Variants in CTNND2 observed in about 807,000 individuals in gnomAD.
CTNND2 encodes catenin delta 2, also known as catenin delta-2.
Under a neutral mutation model 144.4 loss-of-function variants are expected in CTNND2, and 22 were observed. The ratio of observed to expected loss-of-function variants is 0.15; its 90% confidence interval spans 0.11 to 0.22. CTNND2 has a LOEUF of 0.22. Among genes scored for constraint, CTNND2 ranks in the 10% least tolerant of loss-of-function variants. CTNND2 has a pLI of 1.00. For synonymous variants in CTNND2, 751 were observed against 695.6 expected (o/e 1.08, Z -1.25); for missense variants, 1,353 against 1,618.8 (o/e 0.84, Z 2.82).
chr5:11,628,270 G>A (rs1325901230), intron 2 of CTNND2, among the ~76,000 whole-genome samples: 2 of 152,234 alleles, frequency 1.3e-5, no homozygotes, highest in East Asian at 3.9e-4. Flanking sequence ...TCAAGACACT[G>A]AGGCTTAAAA....
chr5:11,346,585 G>T lies in CTNND2; in HGVS notation c.1415C>A (p.Thr472Lys). Residue 472 changes from threonine to lysine, a missense_variant, in exon 9 of 22, where the codon ACA (threonine) becomes AAA (lysine). By Grantham distance (78) the Thr-to-Lys change is moderately conservative. This residue lies in a region of CTNND2 where 708 missense variants were observed against 706.4 expected (regional missense o/e 1.00). Coordinates refer to ENST00000304623, the MANE Select transcript of CTNND2 (RefSeq NM_001332.4). ...ATTCTGTGGGCCGTGCTGGCTGCCTGTGCGCTGCAAGGGGACGGAGTCGAC... is the reference window on the plus strand; with the variant it reads ...ATTCTGTGGGCCGTGCTGGCTGCCTTTGCGCTGCAAGGGGACGGAGTCGAC... The part of the protein sequence containing the change: ...PGVDSVPLQR[T>K]GSQHGPQNAA... 1 of 1,589,200 alleles carries T rather than the reference G, an allele frequency of 6.3e-7. No homozygotes were observed. The highest frequency in any genetic ancestry group is 1.7e-4 in the Middle Eastern group (1 of 5,982).
intron 9 of CTNND2, among the ~76,000 whole-genome samples, chr5:11,336,748 T>C (rs556104653): frequency 6.6e-6 from 1 of 152,364 alleles, no homozygotes; most frequent in Non-Finnish European, 1.5e-5. Flanking sequence ...AGACAAATTA[T>C]GTGTGTATAT....
chr5:10,988,391 T>G lies in CTNND2; in HGVS notation c.3212-149A>C. 1.1e-6 allele frequency: 1 copy of G among 906,116 alleles called. No individual in the cohort carries two copies. The highest frequency in any genetic ancestry group is 1.6e-6 in the Non-Finnish European group (1 of 617,716). 56.1% of individuals were successfully genotyped at this position (906,116 alleles called of 1,614,324 possible). A position where few individuals can be genotyped will look rare whatever the true frequency, so the allele number is the denominator to read the frequency against. Reference sequence around the variant, plus strand: ...GGTTTTCTTTTTAATTTTTATTTTTTGGCAGTTTTGGCTCTTGTCCCTGCC... The same window carrying G: ...GGTTTTCTTTTTAATTTTTATTTTTGGGCAGTTTTGGCTCTTGTCCCTGCC... On this transcript the variant is annotated intron_variant, in intron 19 of 21. Coordinates refer to ENST00000304623, the MANE Select transcript of CTNND2 (RefSeq NM_001332.4). This position sits in a 1 kb window ranked among gnomAD's most constrained non-coding sequence, Gnocchi z 5.9.
intron 14 of CTNND2, among the ~76,000 whole-genome samples, chr5:11,103,660 A>G (rs112809311): frequency 5.3e-5 from 8 of 152,128 alleles, no homozygotes; most frequent in African/African-American, 1.9e-4. Flanking sequence ...ACAGAGCAAG[A>G]CTGTCTCAAA....
At chr5:11,436,939 C>A (rs1763827400) in intron 3 of CTNND2, among the ~76,000 whole-genome samples, 1 of 152,188 alleles carries the variant, frequency 6.6e-6, no homozygotes, top group African/African-American at 2.4e-5. Context: ...TCTAAAAATA[C>A]AGGCCAACCT....
At chr5:11,846,200 T>G (rs1794728107) in intron 1 of CTNND2, among the ~76,000 whole-genome samples, 2 of 152,176 alleles carry the variant, frequency 1.3e-5, no homozygotes, top group South Asian at 4.1e-4. Flanking sequence ...ATTAAGTGAA[T>G]GTCAGTCAAT....
intron 16 of CTNND2, among the ~76,000 whole-genome samples, chr5:11,069,919 C>T (rs1379524663): frequency 6.6e-6 from 1 of 152,122 alleles, no homozygotes; most frequent in Non-Finnish European, 1.5e-5. Flanking sequence ...TTAACTAAAG[C>T]CCAGATATAG....
intron 5 of CTNND2, among the ~76,000 whole-genome samples, chr5:11,409,438 T>A (rs1272418658): frequency 6.6e-6 from 1 of 152,108 alleles, no homozygotes; most frequent in Non-Finnish European, 1.5e-5. Flanking sequence ...CTTAATTTGT[T>A]ATTTCAACAT....
At chr5:11,278,495 G>A (rs1013094594) in intron 9 of CTNND2, among the ~76,000 whole-genome samples, 3 of 152,112 alleles carry the variant, frequency 2.0e-5, no homozygotes, top group Admixed American at 2.0e-4. Flanking sequence ...GTGCTAGAGG[G>A]GACAAGCACA....
Position 10,973,791 on chromosome 5 carries a change from C to T in CTNND2, c.3418-78G>A. On this transcript the variant is annotated intron_variant, in intron 21 of 21. Coordinates refer to ENST00000304623, the MANE Select transcript of CTNND2 (RefSeq NM_001332.4). The surrounding 1 kb of genome is among the most constrained non-coding windows in gnomAD (Gnocchi z 5.6). Reference sequence around the variant, plus strand: ...CTGCCTCTTGCCCCGGCACCCAACTCTCCTTCAAAGAATAGGCTGTGTATA... The same window carrying T: ...CTGCCTCTTGCCCCGGCACCCAACTTTCCTTCAAAGAATAGGCTGTGTATA... 6.8e-7 allele frequency: 1 copy of T among 1,476,962 alleles called. No individual in the cohort carries two copies. Among genetic ancestry groups the T allele is most frequent in the Non-Finnish European group, 9.0e-7 (1 of 1,105,884 alleles). 91.5% of individuals were successfully genotyped at this position (1,476,962 alleles called of 1,614,324 possible). A position where few individuals can be genotyped will look rare whatever the true frequency, so the allele number is the denominator to read the frequency against.
At chr5:11,274,754 A>C (rs1297379100) in intron 9 of CTNND2, among the ~76,000 whole-genome samples, 1 of 152,196 alleles carries the variant, frequency 6.6e-6, no homozygotes, top group Non-Finnish European at 1.5e-5. Context: ...TAATGAAAAC[A>C]ATGTTTTTAA....
At chr5:11,280,057 C>T (rs777183301) in intron 9 of CTNND2, among the ~76,000 whole-genome samples, 6 of 152,156 alleles carry the variant, frequency 3.9e-5, no homozygotes, top group Non-Finnish European at 8.8e-5. Context: ...GTTCACCTTA[C>T]TTGCAATAAG....
In CTNND2 at chr5:10,988,285, C is replaced by CA; in HGVS notation, c.3212-44dup. 6.2e-7 allele frequency: 1 copy of CA among 1,611,618 alleles called. No homozygotes were observed. The highest frequency in any genetic ancestry group is 8.5e-7 in the Non-Finnish European group (1 of 1,178,646). On this transcript the variant is annotated intron_variant, in intron 19 of 21. Transcript: ENST00000304623. This position sits in a 1 kb window ranked among gnomAD's most constrained non-coding sequence, Gnocchi z 5.9. ...AAGGGGGATTTTCTGCATCTCATCC[C>CA]ACAGCGTGTGTGCCTTCCACACAGT... is the stretch of plus-strand genomic sequence containing the variant.
intron 1 of CTNND2, among the ~76,000 whole-genome samples, chr5:11,749,031 G>GAGGACCACGTA (rs1452670351): frequency 6.6e-6 from 1 of 151,996 alleles, no homozygotes; most frequent in Non-Finnish European, 1.5e-5. Context: ...TATGGAGAAA[G>GAGGACCACGTA]AGGTCCACGT....
At chr5:11,152,433 C>T (rs530253609) in intron 12 of CTNND2, among the ~76,000 whole-genome samples, 3 of 152,232 alleles carry the variant, frequency 2.0e-5, no homozygotes, top group Non-Finnish European at 4.4e-5. Context: ...ACATATCATA[C>T]AGCCTAGGCT....
At chr5:11,020,598 C>T (rs1388851106) in intron 17 of CTNND2, among the ~76,000 whole-genome samples, 2 of 152,150 alleles carry the variant, frequency 1.3e-5, no homozygotes, top group African/African-American at 2.4e-5. Flanking sequence ...GTTTCATGCT[C>T]AAATTTGGAG....
chr5:11,158,210 A>G (rs984057730), intron 12 of CTNND2, among the ~76,000 whole-genome samples: 1 of 152,218 alleles, frequency 6.6e-6, no homozygotes, highest in Non-Finnish European at 1.5e-5. Flanking sequence ...AGGGAATGCT[A>G]GCAAGGGAAA....
intron 2 of CTNND2, among the ~76,000 whole-genome samples, chr5:11,668,394 G>A (rs1031558334): frequency 2.6e-5 from 4 of 152,182 alleles, no homozygotes; most frequent in South Asian, 2.1e-4. Context: ...TCCTATCCAC[G>A]AGCATGGAAT....
intron 8 of CTNND2, among the ~76,000 whole-genome samples, chr5:11,356,685 A>G (rs1246744285): frequency 6.6e-6 from 1 of 152,030 alleles, no homozygotes; most frequent in African/African-American, 2.4e-5. Flanking sequence ...GCAAAACCAA[A>G]AATAGACGAA....
Sources: gnomAD v4.1 joint callset for allele counts (sites outside exome capture counted in the v4.1 genomes callset) on GRCh38, gnomAD v4.1.1 for gene constraint, gnomAD v4.1.1 regional missense constraint, Gnocchi (gnomAD v3.1) non-coding constraint, MANE v1.5 for transcripts, NCBI Gene and HGNC (gene_info 2026-07-23, HGNC 2026-07-21) for gene names.